The following TMEM11 variants were observed in gnomAD, a reference collection of about 807,000 sequenced individuals.
TMEM11 encodes transmembrane protein 11.
A neutral mutation model predicts 17.0 loss-of-function variants in TMEM11; 1 was observed. The ratio of observed to expected loss-of-function variants is 0.06; its 90% CI spans 0.02 to 0.28. The LOEUF is 0.28. TMEM11 is among the 10% of genes least tolerant of loss of function. The pLI, the probability that TMEM11 is intolerant of heterozygous loss-of-function variation, is 1.00. For missense variants in TMEM11, 172 were observed against 252.9 expected (o/e 0.68, Z 2.17); for synonymous variants, 122 against 118.1 (o/e 1.03, Z -0.21).
chr17:21,203,023 C>T (rs1031641495), intron 1 of TMEM11, among the ~76,000 whole-genome samples: 1 of 152,246 alleles, frequency 6.6e-6, no homozygotes, highest in Admixed American at 6.5e-5. Flanking sequence ...GCCACACTGC[C>T]TTCAAACAAA....
intron 1 of TMEM11, chr17:21,213,888 C>T (rs1379680274): frequency 3.4e-6 from 2 of 585,844 alleles, no homozygotes; most frequent in African/African-American, 3.9e-5. Flanking sequence ...AACGCCCCTT[C>T]CCCTAAGCTC....
rs554118099 is a variant in TMEM11, at chr17:21,198,117, C to G, written c.*207G>C. On this transcript the variant is annotated 3_prime_UTR_variant, in exon 2 of 2. Coordinates refer to ENST00000317635, the MANE Select transcript of TMEM11 (RefSeq NM_003876.3). This position sits in a 1 kb window ranked among gnomAD's most constrained non-coding sequence, Gnocchi z 6.5. ...CCAGTCGGACTTCCACAGCCTCAGACCCCCCTCTTGGGTTATGGAAATCCA... is the reference window on the plus strand; with the variant it reads ...CCAGTCGGACTTCCACAGCCTCAGAGCCCCCTCTTGGGTTATGGAAATCCA... The G allele has an allele frequency of 6.3e-6, 4 of 630,948 alleles. No homozygotes were observed. Among genetic ancestry groups the G allele is most frequent in the Non-Finnish European group, 1.0e-5 (4 of 381,002 alleles). 39.1% of individuals were successfully genotyped at this position (630,948 alleles called of 1,614,324 possible).
chr17:21,207,534 A>G (rs1246994544), intron 1 of TMEM11, among the ~76,000 whole-genome samples: 3 of 151,802 alleles, frequency 2.0e-5, no homozygotes, highest in African/African-American at 7.3e-5. Flanking sequence ...TCTCAATAAT[A>G]TAATTTTAAA....
chr17:21,202,809 G>A (rs1974897084), intron 1 of TMEM11, among the ~76,000 whole-genome samples: 1 of 152,242 alleles, frequency 6.6e-6, no homozygotes, highest in Admixed American at 6.5e-5. Flanking sequence ...GGGCAGTCCT[G>A]TGAATGACAC....
Position 21,198,217 on chromosome 17 carries a change from G to T in TMEM11, c.*107C>A. The T allele has an allele frequency of 1.4e-6, 2 of 1,398,288 alleles. No individual in the cohort carries two copies. The highest frequency in any genetic ancestry group is 1.9e-6 in the Non-Finnish European group (2 of 1,027,024). The allele number at this position is 1,398,288 out of a possible 1,614,324, so 86.6% of individuals were successfully genotyped here. A position where few individuals can be genotyped will look rare whatever the true frequency, so the allele number is the denominator to read the frequency against. On this transcript the variant is annotated 3_prime_UTR_variant, in exon 2 of 2. Coordinates refer to ENST00000317635, the MANE Select transcript of TMEM11 (RefSeq NM_003876.3). This position sits in a 1 kb window ranked among gnomAD's most constrained non-coding sequence, Gnocchi z 6.5. Reference sequence around the variant, plus strand: ...ATTTTTTAAAAATAACAAATACTAAGCCAAACACCTGCCCAGGCTCTGCTG... The same window carrying T: ...ATTTTTTAAAAATAACAAATACTAATCCAAACACCTGCCCAGGCTCTGCTG...
At chr17:21,206,342 C>T (rs1227469816) in intron 1 of TMEM11, among the ~76,000 whole-genome samples, 1 of 152,140 alleles carries the variant, frequency 6.6e-6, no homozygotes, top group African/African-American at 2.4e-5. Flanking sequence ...CTGCCTCAGC[C>T]TCCCAAATAG....
At chr17:21,209,345 G>T (rs1027798430) in intron 1 of TMEM11, among the ~76,000 whole-genome samples, 2 of 152,176 alleles carry the variant, frequency 1.3e-5, no homozygotes, top group African/African-American at 2.4e-5. Context: ...GTTGTCAAAC[G>T]GGGCCAGAGG....
intron 1 of TMEM11, among the ~76,000 whole-genome samples, chr17:21,209,336 T>C (rs969792629): frequency 2.0e-5 from 3 of 152,208 alleles, no homozygotes; most frequent in African/African-American, 7.2e-5. Context: ...GTTTCCCATG[T>C]TGTCAAACGG....
rs1436501936 is a variant in TMEM11 at position 21,204,352 on chromosome 17, T to G, written c.63-5512A>C. Among the ~76,000 whole-genome samples, 4 of 149,598 alleles carry G rather than the reference T, an allele frequency of 2.7e-5. No homozygotes were observed. The Admixed American group carries it at 2.7e-4, about 10-fold the overall frequency. Reference sequence around the variant, plus strand: ...GGGAGCCTGAGGCAGAAGAATTGCTTGAACGCAGGAGGCGGAGGTTGCAGT... The same window carrying G: ...GGGAGCCTGAGGCAGAAGAATTGCTGGAACGCAGGAGGCGGAGGTTGCAGT... On this transcript the variant is annotated intron_variant, in intron 1 of 1. Transcript: ENST00000317635.
intron 1 of TMEM11, among the ~76,000 whole-genome samples, chr17:21,204,458 A>AAG (rs1247352602): frequency 5.4e-4 from 79 of 146,870 alleles, no homozygotes; most frequent in African/African-American, 2.0e-3. Context: ...AAAAAAAAAA[A>AAG]AGAGAAAAAG....
At chr17:21,210,950 G>T in intron 1 of TMEM11, 1 of 1,284,146 alleles carries the variant, frequency 7.8e-7, no homozygotes, top group Non-Finnish European at 1.0e-6. Flanking sequence ...CAACAATCAC[G>T]GAGGGCTCTG....
intron 1 of TMEM11, among the ~76,000 whole-genome samples, chr17:21,210,505 C>A (rs144848038): frequency 6.6e-6 from 1 of 152,146 alleles, no homozygotes; most frequent in African/African-American, 2.4e-5. Flanking sequence ...TAAATACTCC[C>A]AAAGCCTGAG....
At chr17:21,211,086 A>G (rs1360821605) in intron 1 of TMEM11, 1 of 1,289,726 alleles carries the variant, frequency 7.8e-7, no homozygotes, top group African/African-American at 1.5e-5. Flanking sequence ...GCTTTCCTAG[A>G]TGGGCAAGTG....
intron 1 of TMEM11, among the ~76,000 whole-genome samples, chr17:21,209,486 G>T (rs1432103166): frequency 2.0e-5 from 3 of 152,174 alleles, no homozygotes; most frequent in African/African-American, 7.2e-5. Context: ...TCAGTTCCTG[G>T]CCGGGCACAG....
At chr17:21,208,470 T>C (rs557242145) in intron 1 of TMEM11, 7 of 152,100 alleles carry the variant, frequency 4.6e-5, no homozygotes, top group African/African-American at 1.7e-4. Flanking sequence ...TCGGTGTCCA[T>C]GAAAGGCAGA....
intron 1 of TMEM11, chr17:21,211,225 T>C (rs1974999618): frequency 7.8e-7 from 1 of 1,288,988 alleles, no homozygotes; most frequent in Non-Finnish European, 1.0e-6. Flanking sequence ...CACTGTTGGT[T>C]CCCTAGATTT....
chr17:21,198,389 T>G lies in TMEM11; in HGVS notation c.514A>C (p.Asn172His), dbSNP rs1974842883. 1 of 1,614,226 alleles carries G rather than the reference T, an allele frequency of 6.2e-7. No homozygotes were observed. Among genetic ancestry groups the G allele is most frequent in the Non-Finnish European group, 8.5e-7 (1 of 1,180,046 alleles). The change falls in exon 2 of 2, where the codon AAC (asparagine) becomes CAC (histidine). Residue 172 changes from asparagine (N) to histidine (H), a missense_variant. Physicochemically the swap from Asn to His is moderately conservative, Grantham distance 68. Coordinates refer to ENST00000317635, the MANE Select transcript of TMEM11 (RefSeq NM_003876.3). The surrounding 1 kb of genome is among the most constrained non-coding windows in gnomAD (Gnocchi z 6.5). ...KDDLHRKRLH[N>H]TIALAALVYC... ...ACCAGGGCGGCCAGTGCTATCGTGT[T>G]GTGCAGTCTCTTTCTGTGCAGGTCG... is the stretch of plus-strand genomic sequence containing the variant.
rs773566259 is a variant in TMEM11, at chr17:21,198,488, C to T, written c.415G>A (p.Asp139Asn). Residue 139 changes from aspartate to asparagine, a missense_variant, in exon 2 of 2, where the codon GAC becomes AAC. Coordinates refer to ENST00000317635, the MANE Select transcript of TMEM11 (RefSeq NM_003876.3). The surrounding 1 kb of genome is among the most constrained non-coding windows in gnomAD (Gnocchi z 6.5). The stretch of plus-strand genomic sequence containing the variant: ...GGCAGGCGCGACAGTTTATAGGCGT[C>T]GTACTCCACTTGGTACTTGCAGCAA... ...DPCCKYQVEY[D>N]AYKLSRLPLH... 9.3e-6 allele frequency: 15 copies of T among 1,614,112 alleles called. No homozygotes were observed. Among genetic ancestry groups the T allele is most frequent in the East Asian group, 2.2e-5 (1 of 44,898 alleles).
intron 1 of TMEM11, among the ~76,000 whole-genome samples, chr17:21,204,124 A>T (rs1197755216): frequency 4.8e-4 from 2 of 4,144 alleles, no homozygotes; most frequent in East Asian, 1.9e-3. Context: ...TCTATGTTTA[A>T]AAAAAAAAAA....
Sources: gnomAD v4.1 joint callset for allele counts (sites outside exome capture counted in the v4.1 genomes callset) on GRCh38, gnomAD v4.1.1 for gene constraint, Gnocchi (gnomAD v3.1) non-coding constraint, MANE v1.5 for transcripts, NCBI Gene and HGNC (gene_info 2026-07-23, HGNC 2026-07-21) for gene names.